Variants in SIPA1 observed in about 807,000 individuals in gnomAD.
SIPA1 encodes signal-induced proliferation-associated protein 1.
Under a neutral mutation model 88.1 loss-of-function variants are expected in SIPA1, and 51 were observed. That is an observed-to-expected ratio of 0.58 (90% CI 0.46 to 0.73). The LOEUF (loss-of-function observed/expected upper bound fraction) is 0.73. Ranked by LOEUF, SIPA1 falls within the 30% of genes least tolerant of loss-of-function variation. SIPA1 has a pLI of 0.00. For missense variants in SIPA1, 1,348 were observed against 1,467.6 expected (o/e 0.92, Z 1.33); for synonymous variants, 681 against 664.8 (o/e 1.02, Z -0.37).
At position 65,646,590 on chromosome 11, in the gene SIPA1, G is replaced by A; in HGVS notation, c.1556G>A (p.Gly519Asp). Reference sequence around the variant, plus strand: ...GCGCTGAATGGTGAGCAGGCGGCCGGCCACGCGCGCCAGTTCCACGCCATG... The same window carrying A: ...GCGCTGAATGGTGAGCAGGCGGCCGACCACGCGCGCCAGTTCCACGCCATG... ...AKALNGEQAA[G>D]HARQFHAMAT... Residue 519 changes from glycine (G) to aspartate (D), a missense_variant, in exon 8 of 16, where the codon GGC becomes GAC. Gly to Asp is a moderately conservative substitution (Grantham distance 94, BLOSUM62 -1). Coordinates refer to ENST00000534313, the MANE Select transcript of SIPA1 (RefSeq NM_006747.4). This position sits in a 1 kb window ranked among gnomAD's most constrained non-coding sequence, Gnocchi z 7.5. 1 of 1,544,200 alleles carries A rather than the reference G, an allele frequency of 6.5e-7. No individual in the cohort carries two copies. The highest frequency in any genetic ancestry group is 8.7e-7 in the Non-Finnish European group (1 of 1,150,138).
intron 14 of SIPA1, 82 bp from the exon 15 acceptor site, chr11:65,650,319 C>A: frequency 5.1e-6 from 8 of 1,556,662 alleles, no homozygotes; most frequent in Non-Finnish European, 7.1e-6. Context: ...AGCGGGGCCC[C>A]TCTCATTAGC....
Position 65,649,412 on chromosome 11 carries a change from A to G in SIPA1, c.2457A>G (p.Pro819=), listed in dbSNP as rs761801838. The G allele has an allele frequency of 2.3e-5, 36 of 1,592,518 alleles. No individual in the cohort carries two copies. The highest frequency in any genetic ancestry group is 3.0e-5 in the Non-Finnish European group (35 of 1,169,278). ...HLCLQDGGSP[P]GPGDLAEERT... is the part of the protein sequence containing the mutation. ...GCCTGCAAGATGGTGGCAGTCCTCC[A>G]GGGCCTGGGGATCTGGCCGAGGAGA... Residue 819 remains proline, a synonymous_variant, in exon 10 of 16, where the codon CCA becomes CCG. Coordinates refer to ENST00000534313, the MANE Select transcript of SIPA1 (RefSeq NM_006747.4).
In SIPA1 at chr11:65,646,072, T is replaced by C; in HGVS notation, c.1263+115T>C. On this transcript the variant is annotated intron_variant, in intron 6 of 15. Coordinates refer to ENST00000534313, the MANE Select transcript of SIPA1 (RefSeq NM_006747.4). This position sits in a 1 kb window ranked among gnomAD's most constrained non-coding sequence, Gnocchi z 7.5. Reference sequence around the variant, plus strand: ...TGTTGGCCCCAACAGCCCGCCCCTCTGGTGGCCCCTTCCCAAAGACAGAAA... The same window carrying C: ...TGTTGGCCCCAACAGCCCGCCCCTCCGGTGGCCCCTTCCCAAAGACAGAAA... 4 of 1,259,530 alleles carry C rather than the reference T, an allele frequency of 3.2e-6. No individual in the cohort carries two copies. The highest frequency in any genetic ancestry group is 4.5e-6 in the Non-Finnish European group (4 of 889,262). The allele number at this position is 1,259,530 out of a possible 1,614,324, so 78.0% of individuals were successfully genotyped here.
chr11:65,638,957 T>TGA, intron 1 of SIPA1, among the ~76,000 whole-genome samples: 1 of 152,172 alleles, frequency 6.6e-6, no homozygotes, highest in Non-Finnish European at 1.5e-5. Flanking sequence ...CTTCACACAC[T>TGA]ATAGCCCAGG....
rs1189266474 is a variant in SIPA1 at position 65,649,315 on chromosome 11, C to A, written c.2360C>A (p.Ala787Asp). The A allele has an allele frequency of 1.9e-6, 3 of 1,557,036 alleles. No homozygotes were observed. In the South Asian group the frequency reaches 3.5e-5, roughly 18 times the overall value. Residue 787 changes from alanine (A) to aspartate (D), a missense_variant, in exon 10 of 16, where the codon GCC (alanine) becomes GAC (aspartate). By Grantham distance (126) the Ala-to-Asp change is moderately radical. Coordinates refer to ENST00000534313, the MANE Select transcript of SIPA1 (RefSeq NM_006747.4). ...LSLQEPSRRG[A>D]PDPVQDEVQG... The stretch of plus-strand genomic sequence containing the variant: ...CTGCAGGAGCCTAGCCGGCGGGGGG[C>A]CCCAGATCCTGTGCAGGATGAGGTC...
rs750585645 is a variant in SIPA1, at chr11:65,647,393, C to G, written c.2041C>G (p.Arg681Gly). 7 of 1,451,152 alleles carry G rather than the reference C, an allele frequency of 4.8e-6. No homozygotes were observed. The highest frequency in any genetic ancestry group is 1.3e-5 in the South Asian group (1 of 75,824). 89.9% of individuals were successfully genotyped at this position (1,451,152 alleles called of 1,614,324 possible). ...EVVARLQLVS[R>G]GCETRELALP... Reference sequence around the variant, plus strand: ...CCCGCCCCGTCCGCAGCTGGTGAGCCGTGGCTGCGAGACCCGCGAGCTGGC... The same window carrying G: ...CCCGCCCCGTCCGCAGCTGGTGAGCGGTGGCTGCGAGACCCGCGAGCTGGC... Residue 681 changes from arginine (R) to glycine (G), a missense_variant, in exon 9 of 16, where the codon CGT becomes GGT. Coordinates refer to ENST00000534313, the MANE Select transcript of SIPA1 (RefSeq NM_006747.4).
rs1856014019 is a variant in SIPA1, at chr11:65,642,039, CGT to C, written c.680-209_680-208del. 6 of 646,220 alleles carry C rather than the reference CGT, an allele frequency of 9.3e-6. No homozygotes were observed. Among genetic ancestry groups the C allele is most frequent in the Non-Finnish European group, 1.5e-5 (6 of 393,532 alleles). 40.0% of individuals were successfully genotyped at this position (646,220 alleles called of 1,614,324 possible). On this transcript the variant is annotated intron_variant, in intron 2 of 15. Coordinates refer to ENST00000534313, the MANE Select transcript of SIPA1 (RefSeq NM_006747.4). The surrounding 1 kb of genome is among the most constrained non-coding windows in gnomAD (Gnocchi z 6.5). ...AGGATTTAGGCCTGGGAGCTGGCCG[CGT>C]GGGTCTAGGTCTGGGTCTGGGTCCA...
intron 4 of SIPA1, among the ~76,000 whole-genome samples, chr11:65,644,017 A>T (rs1856059035): frequency 2.0e-5 from 3 of 152,070 alleles, no homozygotes; most frequent in Admixed American, 6.6e-5. Flanking sequence ...AGAGGAGGTG[A>T]CAGTCCAGGA....
In SIPA1 at chr11:65,649,428, G is replaced by T; in HGVS notation, c.2473G>T (p.Ala825Ser). The change falls in exon 10 of 16, where the codon GCC (alanine) becomes TCC (serine). Residue 825 changes from alanine to serine, a missense_variant. By Grantham distance (99) the Ala-to-Ser change is moderately conservative. Coordinates refer to ENST00000534313, the MANE Select transcript of SIPA1 (RefSeq NM_006747.4). ...GGSPPGPGDL[A>S]EERTEFLHSQ... ...CAGTCCTCCAGGGCCTGGGGATCTG[G>T]CCGAGGAGAGGACTGAGTTCCTGCA... 6.2e-7 allele frequency: 1 copy of T among 1,600,668 alleles called. No individual in the cohort carries two copies. The highest frequency in any genetic ancestry group is 2.3e-5 in the East Asian group (1 of 44,042).
intron 1 of SIPA1, among the ~76,000 whole-genome samples, chr11:65,640,478 C>A (rs1855978981): frequency 6.6e-6 from 1 of 152,216 alleles, no homozygotes; most frequent in African/African-American, 2.4e-5. Context: ...CCAGCCAATA[C>A]AAGTCATCTG....
intron 14 of SIPA1, 50 bp downstream of exon 14, chr11:65,650,242 C>T (rs201432620): frequency 2.5e-5 from 40 of 1,591,824 alleles, no homozygotes; most frequent in South Asian, 1.2e-4. Context: ...CATGACCCCC[C>T]CTTCGTGCCT....
In SIPA1 at chr11:65,646,874, T is replaced by G; in HGVS notation, c.1840T>G (p.Ser614Ala). 5 of 1,487,234 alleles carry G rather than the reference T, an allele frequency of 3.4e-6. No individual in the cohort carries two copies. The highest frequency in any genetic ancestry group is 4.5e-6 in the Non-Finnish European group (5 of 1,123,360). The allele number at this position is 1,487,234 out of a possible 1,614,324, so 92.1% of individuals were successfully genotyped here. The change falls in exon 8 of 16, where the codon TCG becomes GCG. Residue 614 changes from serine to alanine, a missense_variant. Physicochemically the swap from Ser to Ala is moderately conservative, Grantham distance 99. Coordinates refer to ENST00000534313, the MANE Select transcript of SIPA1 (RefSeq NM_006747.4). The surrounding 1 kb of genome is among the most constrained non-coding windows in gnomAD (Gnocchi z 7.5). ...GIEVPCLLGI[S>A]AEALVLVAPR... The stretch of plus-strand genomic sequence containing the variant: ...CGAGGTGCCCTGCCTGCTGGGCATC[T>G]CGGCCGAGGCTCTGGTGCTGGTGGC...
chr11:65,648,660 C>T (rs1289956566), intron 9 of SIPA1, among the ~76,000 whole-genome samples: 2 of 151,974 alleles, frequency 1.3e-5, no homozygotes, highest in Non-Finnish European at 2.9e-5. Flanking sequence ...ATGCTGAAAC[C>T]CGTCTCTAGT....
At position 65,650,154 on chromosome 11, in the gene SIPA1, G is replaced by A; in HGVS notation, c.2865G>A (p.Glu955=). The A allele has an allele frequency of 1.2e-6, 2 of 1,614,134 alleles. No homozygotes were observed. The highest frequency in any genetic ancestry group is 2.2e-5 in the South Asian group (2 of 91,078). Residue 955 remains glutamate (E), a synonymous_variant, in exon 14 of 16, where the codon GAG becomes GAA. Coordinates refer to ENST00000534313, the MANE Select transcript of SIPA1 (RefSeq NM_006747.4). The stretch of plus-strand genomic sequence containing the variant: ...TCCCCACAGGACAGCCCATCCCAGA[G>A]AGTGGAGACCCTAAGGGAACTCCAA... ...SLSREGQPIP[E]SGDPKGTPKS...
At position 65,650,236 on chromosome 11, in the gene SIPA1, A is replaced by AC. The variant is rs753741237; in HGVS notation, c.2903+51dup. 1.8e-4 allele frequency: 293 copies of AC among 1,596,748 alleles called. 1 individual carries two copies. Among genetic ancestry groups the AC allele is most frequent in the African/African-American group, 1.7e-3 (126 of 73,310 alleles). On this transcript the variant is annotated intron_variant, in intron 14 of 15. Transcript: ENST00000534313. ...CACAGCCGCTTTACCTGCCCACATG[A>AC]CCCCCCCTTCGTGCCTGTCTGCTGG...
In SIPA1 at chr11:65,647,044, C is replaced by A; in HGVS notation, c.2010C>A (p.Gly670=). 1 of 1,543,564 alleles carries A rather than the reference C, an allele frequency of 6.5e-7. No individual in the cohort carries two copies. Among genetic ancestry groups the A allele is most frequent in the Non-Finnish European group, 8.7e-7 (1 of 1,151,030 alleles). The part of the protein sequence containing the change: ...RFDGSPGQAV[G]EVVARLQLVS... ...ACGGGTCCCCCGGCCAAGCCGTGGG[C>A]GAGGTGGTGGCGCGCCTGCAGGTGA... The change falls in exon 8 of 16, where the codon GGC becomes GGA. Residue 670 remains glycine, a synonymous_variant. Coordinates refer to ENST00000534313, the MANE Select transcript of SIPA1 (RefSeq NM_006747.4).
chr11:65,639,567 C>A (rs1022035089), intron 1 of SIPA1, among the ~76,000 whole-genome samples: 3 of 152,130 alleles, frequency 2.0e-5, no homozygotes, highest in East Asian at 1.9e-4. Context: ...CCTCCACCCC[C>A]CTCCGGCCCA....
Position 65,650,045 on chromosome 11 carries a change from C to G in SIPA1, c.2842C>G (p.Arg948Gly), listed in dbSNP as rs1381488799. ...CAACACCATTCTGGAGTCGCTGTCC[C>G]GAGAGGGTGAGGCCACCAGGGTGCT... ...TCNTILESLS[R>G]EGQPIPESGD... Residue 948 changes from arginine to glycine, a missense_variant, in exon 13 of 16, where the codon CGA becomes GGA. Physicochemically the swap from Arg to Gly is moderately radical, Grantham distance 125. This residue lies in a region of SIPA1 where 615 missense variants were observed against 559.8 expected (regional missense o/e 1.10). Transcript: ENST00000534313. 4.3e-6 allele frequency: 7 copies of G among 1,613,990 alleles called. No homozygotes were observed. Among genetic ancestry groups the G allele is most frequent in the Non-Finnish European group, 5.9e-6 (7 of 1,179,968 alleles).
intron 1 of SIPA1, chr11:65,639,020 C>T (rs1428639299): frequency 5.9e-5 from 9 of 152,440 alleles, no homozygotes; most frequent in Admixed American, 2.6e-4. Flanking sequence ...GGGCTACACC[C>T]GTCACACACA....
Sources: allele counts gnomAD v4.1 joint callset (sites outside exome capture counted in the v4.1 genomes callset), GRCh38; gene constraint gnomAD v4.1.1; regional missense constraint gnomAD v4.1.1; non-coding constraint Gnocchi (gnomAD v3.1); transcripts MANE v1.5; gene names NCBI Gene and HGNC (gene_info 2026-07-23, HGNC 2026-07-21).